Variants in CD69 observed in about 807,000 individuals in gnomAD.
The protein encoded by CD69 is early activation antigen CD69.
Under a neutral mutation model 21.4 loss-of-function variants are expected in CD69, and 10 were observed. The observed-to-expected ratio is 0.47, with a 90% CI of 0.29 to 0.79. The LOEUF (loss-of-function observed/expected upper bound fraction) is 0.79, where lower values mean the gene tolerates loss of function less well. Ranked by LOEUF, CD69 falls within the 30% of genes least tolerant of loss-of-function variation. The pLI, the probability that CD69 is intolerant of heterozygous loss-of-function variation, is 0.09. For synonymous variants in CD69, 63 were observed against 78.2 expected (o/e 0.81, Z 1.03); for missense variants, 204 against 236.9 (o/e 0.86, Z 0.91).
intron 1 of CD69, among the ~76,000 whole-genome samples, chr12:9,758,728 TG>T (rs1369972442): frequency 6.6e-6 from 1 of 152,152 alleles, no homozygotes; most frequent in Non-Finnish European, 1.5e-5. Context: ...TTCGGAGCTC[TG>T]TCTGGTTTCA....
Position 9,755,226 on chromosome 12 carries a change from A to G in CD69, c.223T>C (p.Ser75Pro). The G allele has an allele frequency of 6.2e-7, 1 of 1,614,130 alleles. No homozygotes were observed. The highest frequency in any genetic ancestry group is 1.3e-5 in the African/African-American group (1 of 75,056). Residue 75 changes from serine to proline, a missense_variant, in exon 3 of 5, where the codon TCA becomes CCA. Ser to Pro is a moderately conservative substitution (Grantham distance 74, BLOSUM62 -1). Transcript: ENST00000228434. Reference sequence around the variant, plus strand: ...GAAACATGGCTGTCTGATGGCATTGAGAATGTGTATTGGCCTGGACAATTG... The same window carrying G: ...GAAACATGGCTGTCTGATGGCATTGGGAATGTGTATTGGCCTGGACAATTG... ...QYNCPGQYTF[S>P]MPSDSHVSSC...
Position 9,753,261 on chromosome 12 carries a change from G to A in CD69, c.*220C>T. On this transcript the variant is annotated 3_prime_UTR_variant, in exon 5 of 5. Coordinates refer to ENST00000228434, the MANE Select transcript of CD69 (RefSeq NM_001781.2). ...TGGGCATGGTTATTGGTCAACCTGT[G>A]ATGCTTCTAGCTCATGGCAATAAAA... 3.0e-6 allele frequency: 1 copy of A among 329,336 alleles called. No individual in the cohort carries two copies. Among genetic ancestry groups the A allele is most frequent in the Non-Finnish European group, 5.5e-6 (1 of 181,072 alleles). The allele number at this position is 329,336 out of a possible 1,614,324, so 20.4% of individuals were successfully genotyped here. A position where few individuals can be genotyped will look rare whatever the true frequency, so the allele number is the denominator to read the frequency against.
At position 9,754,572 on chromosome 12, in the gene CD69, C is replaced by A; in HGVS notation, c.491+15G>T. 2 of 1,474,992 alleles carry A rather than the reference C, an allele frequency of 1.4e-6. No individual in the cohort carries two copies. Among genetic ancestry groups the A allele is most frequent in the Non-Finnish European group, 1.9e-6 (2 of 1,053,398 alleles). 91.4% of individuals were successfully genotyped at this position (1,474,992 alleles called of 1,614,324 possible). ...TGCCACCCTGGGGAATATAAAGAGA[C>A]TTCTGGAGACTTACCAGTTGTTAAA... On this transcript the variant is annotated intron_variant, in intron 4 of 4. Transcript: ENST00000228434.
intron 2 of CD69, 141 bp from the exon 3 acceptor site, chr12:9,755,402 G>T: frequency 3.0e-6 from 2 of 677,490 alleles, no homozygotes; most frequent in South Asian, 1.9e-5. Flanking sequence ...TCTGAAAAGG[G>T]TATGAAGAAA....
At chr12:9,753,681 T>G (rs760181182) in intron 4 of CD69, 92 bp from the exon 5 acceptor site, 99 of 544,050 alleles carry the variant, frequency 1.8e-4, no homozygotes, top group African/African-American at 1.8e-3. Context: ...GACCTCTGCT[T>G]CTTTTAAATT....
chr12:9,757,106 A>T (rs772729699), intron 1 of CD69, among the ~76,000 whole-genome samples: 16 of 152,014 alleles, frequency 1.1e-4, no homozygotes, highest in African/African-American at 1.4e-4. Context: ...AATAAATAAA[A>T]AATTCTAGCA....
intron 1 of CD69, among the ~76,000 whole-genome samples, chr12:9,760,437 A>G (rs577452316): frequency 5.3e-5 from 8 of 152,226 alleles, no homozygotes; most frequent in Admixed American, 1.3e-4. Context: ...CTGAGATGAT[A>G]TAAACTAAAG....
At chr12:9,757,775 T>C (rs1866691345) in intron 1 of CD69, among the ~76,000 whole-genome samples, 2 of 152,220 alleles carry the variant, frequency 1.3e-5, no homozygotes, top group Admixed American at 1.3e-4. Context: ...GTAATTTAAC[T>C]GGAATGGGAC....
At position 9,753,483 on chromosome 12, in the gene CD69, A is replaced by G; in HGVS notation, c.598T>C (p.Ter200GlnextTer1). Residue 200 changes from the stop codon to glutamine, a stop_lost, in exon 5 of 5, where the codon TAA becomes CAA. Coordinates refer to ENST00000228434, the MANE Select transcript of CD69 (RefSeq NM_001781.2). ...LYWICNKPYK[*>Q] ...CAATAAGTGAACATGTTTCCTTATT[A>G]TTTGTAAGGTTTGTTACATATCCAG... 7.7e-7 allele frequency: 1 copy of G among 1,304,332 alleles called. No homozygotes were observed. Among genetic ancestry groups the G allele is most frequent in the South Asian group, 1.2e-5 (1 of 82,382 alleles). 80.8% of individuals were successfully genotyped at this position (1,304,332 alleles called of 1,614,324 possible).
intron 1 of CD69, 133 bp from the exon 2 acceptor site, chr12:9,756,552 A>G (rs1866681185): frequency 4.0e-6 from 3 of 750,334 alleles, no homozygotes; most frequent in South Asian, 6.1e-5. Flanking sequence ...CTCTTTATAG[A>G]AATTTCTAAG....
At chr12:9,758,966 G>A (rs1269013716) in intron 1 of CD69, among the ~76,000 whole-genome samples, 1 of 151,394 alleles carries the variant, frequency 6.6e-6, no homozygotes, top group East Asian at 1.9e-4. Context: ...GTCTCGCTCT[G>A]TCGTCCAGGC....
chr12:9,758,185 C>A (rs1226433846), intron 1 of CD69, among the ~76,000 whole-genome samples: 1 of 151,578 alleles, frequency 6.6e-6, no homozygotes, highest in African/African-American at 2.4e-5. Flanking sequence ...AAGTAAATAA[C>A]TGAGGAAGGA....
chr12:9,754,544 AG>A, intron 4 of CD69, 42 bp downstream of exon 4: 1 of 1,095,802 alleles, frequency 9.1e-7, no homozygotes, highest in Non-Finnish European at 1.4e-6. Context: ...GATTTTCCTG[AG>A]ATGCCACCCT....
At position 9,753,426 on chromosome 12, in the gene CD69, A is replaced by T. The variant is rs1866646118; in HGVS notation, c.*55T>A. ...GGACCACAGAGCAGCATCCACTGAC[A>T]CAGATTTCCTTGAGTTCCATTCTAT... On this transcript the variant is annotated 3_prime_UTR_variant, in exon 5 of 5. Transcript: ENST00000228434. 1.3e-6 allele frequency: 1 copy of T among 773,784 alleles called. No homozygotes were observed. The highest frequency in any genetic ancestry group is 1.8e-5 in the African/African-American group (1 of 56,282). 47.9% of individuals were successfully genotyped at this position (773,784 alleles called of 1,614,324 possible). A position where few individuals can be genotyped will look rare whatever the true frequency, so the allele number is the denominator to read the frequency against.
In CD69 at chr12:9,753,572, G is replaced by T; in HGVS notation, c.509C>A (p.Ser170Tyr). 1 of 1,562,028 alleles carries T rather than the reference G, an allele frequency of 6.4e-7. No individual in the cohort carries two copies. Among genetic ancestry groups the T allele is most frequent in the South Asian group, 1.1e-5 (1 of 88,072 alleles). The change falls in exon 5 of 5, where the codon TCT (serine) becomes TAT (tyrosine). Residue 170 changes from serine to tyrosine, a missense_variant. By Grantham distance (144) the Ser-to-Tyr change is moderately radical (BLOSUM62 -2). Coordinates refer to ENST00000228434, the MANE Select transcript of CD69 (RefSeq NM_001781.2). Reference protein sequence around the residue: ...EFNNWFNVTGSDKCVFLKNTE... With the variant: ...EFNNWFNVTGYDKCVFLKNTE... ...GTTTTTCAGAAAAACACACTTGTCA[G>T]ACCCTGTAACGTTGAACCTGTCAAA...
In CD69 at chr12:9,752,911, CAAAGT is replaced by C. The variant is rs879840522; in HGVS notation, c.*565_*569del. The C allele has an allele frequency of 6.6e-6, 1 of 152,414 alleles. No homozygotes were observed. The highest frequency in any genetic ancestry group is 2.1e-4 in the South Asian group (1 of 4,812). 9.4% of individuals were successfully genotyped at this position (152,414 alleles called of 1,614,324 possible). On this transcript the variant is annotated 3_prime_UTR_variant, in exon 5 of 5. Transcript: ENST00000228434. The stretch of plus-strand genomic sequence containing the variant: ...TCCCATTCTTTTTGGGGAAAAATAA[CAAAGT>C]AAATTGGCAAATTTCTCTAAAAAGA...
At chr12:9,753,859 T>C (rs917658266) in intron 4 of CD69, among the ~76,000 whole-genome samples, 2 of 152,200 alleles carry the variant, frequency 1.3e-5, no homozygotes, top group Non-Finnish European at 2.9e-5. Flanking sequence ...ATTTCTGAGT[T>C]CATAGATTTT....
intron 1 of CD69, among the ~76,000 whole-genome samples, chr12:9,757,398 C>T (rs1423147104): frequency 1.3e-5 from 2 of 152,118 alleles, no homozygotes; most frequent in African/African-American, 4.8e-5. Context: ...CCCAACAAAC[C>T]TACTCCTATG....
At position 9,760,799 on chromosome 12, in the gene CD69, C is replaced by T. The variant is rs767001061; in HGVS notation, c.22G>A (p.Val8Ile). 1.8e-5 allele frequency: 29 copies of T among 1,612,452 alleles called. No homozygotes were observed. Among genetic ancestry groups the T allele is most frequent in the Middle Eastern group, 1.6e-4 (1 of 6,062 alleles). Reference sequence around the variant, plus strand: ...GGATGCAAAGAGCTGTTCTCTGCTACGAAACAATTTTCAGAGCTCATCTTT... The same window carrying T: ...GGATGCAAAGAGCTGTTCTCTGCTATGAAACAATTTTCAGAGCTCATCTTT... MSSENCF[V>I]AENSSLHPES... The change falls in exon 1 of 5, where the codon GTA becomes ATA. Residue 8 changes from valine (V) to isoleucine (I), a missense_variant. By Grantham distance (29) the Val-to-Ile change is conservative. Coordinates refer to ENST00000228434, the MANE Select transcript of CD69 (RefSeq NM_001781.2).
Sources: gnomAD v4.1 joint callset for allele counts (sites outside exome capture counted in the v4.1 genomes callset) on GRCh38, gnomAD v4.1.1 for gene constraint, MANE v1.5 for transcripts, NCBI Gene and HGNC (gene_info 2026-07-23, HGNC 2026-07-21) for gene names.